PDE4D: variants seen among roughly 807,000 people sequenced by gnomAD.
The protein encoded by PDE4D is 3',5'-cyclic-AMP phosphodiesterase 4D.
In PDE4D, 24 loss-of-function variants were observed where a neutral mutation model predicts 87.4. The ratio of observed to expected loss-of-function variants is 0.27; its 90% confidence interval spans 0.20 to 0.39. The LOEUF is 0.39. Ranked by LOEUF, PDE4D falls within the 10% of genes least tolerant of loss-of-function variation. The probability of loss-of-function intolerance (pLI) is 1.00; values close to 1 mark genes in which losing one functional copy is unlikely to be tolerated. For missense variants in PDE4D, 714 were observed against 1,041.0 expected (o/e 0.69, Z 4.32); for synonymous variants, 384 against 383.2 (o/e 1.00, Z -0.02).
chr5:59,689,387 T>G (rs1041500916), intron 1 of PDE4D, among the ~76,000 whole-genome samples: 14 of 152,312 alleles, frequency 9.2e-5, no homozygotes, highest in Non-Finnish European at 1.8e-4. Flanking sequence ...CAAGTGGGCT[T>G]CATCCCTGGG....
chr5:59,595,359 G>C (rs1299625508), intron 1 of PDE4D, among the ~76,000 whole-genome samples: 1 of 151,962 alleles, frequency 6.6e-6, no homozygotes, highest in African/African-American at 2.4e-5. Context: ...TTCAACATGG[G>C]AAATACAAAA....
intron 1 of PDE4D, among the ~76,000 whole-genome samples, chr5:59,455,994 T>G (rs559703000): frequency 6.6e-5 from 10 of 152,316 alleles, no homozygotes; most frequent in African/African-American, 1.9e-4. Flanking sequence ...CTAACTTACT[T>G]TTGATTTTAC....
intron 1 of PDE4D, among the ~76,000 whole-genome samples, chr5:59,789,045 G>A (rs770526133): frequency 2.0e-5 from 3 of 152,156 alleles, no homozygotes; most frequent in Non-Finnish European, 2.9e-5. Context: ...TGTTACCTGA[G>A]CTTGGTTAGG....
At chr5:59,861,510 A>G (rs1746284237) in intron 1 of PDE4D, among the ~76,000 whole-genome samples, 2 of 152,206 alleles carry the variant, frequency 1.3e-5, no homozygotes. Flanking sequence ...CAGTAATTAC[A>G]TGGAGCAACC....
intron 2 of PDE4D, 106 bp from the exon 3 acceptor site, chr5:59,193,642 T>G: frequency 6.5e-7 from 1 of 1,534,244 alleles, no homozygotes. Flanking sequence ...CCATAGAGAA[T>G]TACAGTGATT....
At position 59,665,673 on chromosome 5, in the gene PDE4D, G is replaced by T. The variant is rs1745962724; in HGVS notation, c.455+227495C>A. On this transcript the variant is annotated intron_variant, in intron 1 of 14. Coordinates refer to ENST00000340635, the MANE Select transcript of PDE4D (RefSeq NM_001104631.2). ...GGCACCCTCCCAAAATTCAAATGTTGAAATCTAATCACCAATGCAATAGTG... is the reference window on the plus strand; with the variant it reads ...GGCACCCTCCCAAAATTCAAATGTTTAAATCTAATCACCAATGCAATAGTG... 2.6e-5 allele frequency among the ~76,000 whole-genome samples: 4 copies of T among 152,122 alleles called. No homozygotes were observed. The South Asian group carries it at 8.3e-4, about 32-fold the overall frequency.
chr5:59,806,423 G>A (rs879724472), intron 1 of PDE4D, among the ~76,000 whole-genome samples: 22 of 152,192 alleles, frequency 1.4e-4, no homozygotes, highest in Admixed American at 7.9e-4. Flanking sequence ...TTATCAAAAG[G>A]AGCAGCCTGC....
At chr5:59,577,397 T>C (rs1823352492) in intron 1 of PDE4D, among the ~76,000 whole-genome samples, 1 of 151,930 alleles carries the variant, frequency 6.6e-6, no homozygotes, top group Non-Finnish European at 1.5e-5. Flanking sequence ...GTCCTGGAGG[T>C]GTTTGTTGAT....
intron 3 of PDE4D, among the ~76,000 whole-genome samples, chr5:59,980,511 G>A (rs10043558): frequency 0.62 from 94,699 of 152,154 alleles, 32,122 homozygotes; most frequent in East Asian, 0.83. Flanking sequence ...GGTGAACGCA[G>A]AAGTTGTCAC....
intron 1 of PDE4D, among the ~76,000 whole-genome samples, chr5:59,480,346 ATAAC>A (rs1295206753): frequency 1.3e-5 from 2 of 152,138 alleles, no homozygotes; most frequent in Non-Finnish European, 2.9e-5. Context: ...TTTTATTTGA[ATAAC>A]TATCCTTTCA....
At chr5:60,338,261 A>C (rs1757992978) in intron 1 of PDE4D, among the ~76,000 whole-genome samples, 1 of 152,214 alleles carries the variant, frequency 6.6e-6, no homozygotes, top group African/African-American at 2.4e-5. Flanking sequence ...AAGGACATGC[A>C]GGTTCAGACT....
At chr5:60,502,007 T>C (rs1750102261) in intron 1 of PDE4D, among the ~76,000 whole-genome samples, 1 of 152,152 alleles carries the variant, frequency 6.6e-6, no homozygotes, top group Non-Finnish European at 1.5e-5. Flanking sequence ...TTTAGTTTAA[T>C]TAGATCCCAT....
chr5:59,576,075 G>A (rs1340610429), intron 1 of PDE4D, among the ~76,000 whole-genome samples: 1 of 152,126 alleles, frequency 6.6e-6, no homozygotes, highest in East Asian at 1.9e-4. Context: ...TAGGCAACCT[G>A]GTTAACCATT....
intron 1 of PDE4D, among the ~76,000 whole-genome samples, chr5:59,568,637 C>T (rs554870752): frequency 1.4e-4 from 21 of 152,152 alleles, no homozygotes; most frequent in Non-Finnish European, 2.2e-4. Context: ...TGTGGTCTCT[C>T]TCCCCAAAAC....
intron 4 of PDE4D, among the ~76,000 whole-genome samples, chr5:59,181,914 A>T (rs1231580947): frequency 6.6e-6 from 1 of 152,102 alleles, no homozygotes; most frequent in Non-Finnish European, 1.5e-5. Context: ...AATCTCTTCA[A>T]ATATGCCTTG....
At chr5:59,730,981 A>C (rs1757288872) in intron 1 of PDE4D, among the ~76,000 whole-genome samples, 1 of 152,128 alleles carries the variant, frequency 6.6e-6, no homozygotes, top group African/African-American at 2.4e-5. Flanking sequence ...TTGCTTTTCT[A>C]ATCCCACCAA....
At chr5:59,586,864 A>G (rs1825224110) in intron 1 of PDE4D, 1 of 985,322 alleles carries the variant, frequency 1.0e-6, no homozygotes, top group African/African-American at 1.7e-5. Context: ...TTTAGAAATG[A>G]ATATTGCTTT....
intron 3 of PDE4D, among the ~76,000 whole-genome samples, chr5:59,938,857 T>C (rs1476907096): frequency 6.6e-6 from 1 of 152,232 alleles, no homozygotes; most frequent in Non-Finnish European, 1.5e-5. Context: ...TACATTAAAA[T>C]GTCAGTAAGG....
In PDE4D at chr5:59,556,559, C is replaced by T. The variant is rs1042746494; in HGVS notation, c.455+336609G>A. ...CCAAACAGTATCCCAGGGGAGAATA[C>T]ATTTCAGGGTTCTGTACGAGGAAAA... On this transcript the variant is annotated intron_variant, in intron 1 of 14. Coordinates refer to ENST00000340635, the MANE Select transcript of PDE4D (RefSeq NM_001104631.2). Among the ~76,000 whole-genome samples, 43 of 152,132 alleles carry T rather than the reference C, an allele frequency of 2.8e-4. 2 individuals carry two copies. Among genetic ancestry groups the T allele is most frequent in the Non-Finnish European group, 4.4e-5 (3 of 68,032 alleles).
Sources: allele counts gnomAD v4.1 joint callset (sites outside exome capture counted in the v4.1 genomes callset), GRCh38; gene constraint gnomAD v4.1.1; transcripts MANE v1.5; gene names NCBI Gene and HGNC (gene_info 2026-07-23, HGNC 2026-07-21).